CCDC77: variants seen among roughly 807,000 people sequenced by gnomAD.
CCDC77 encodes the protein coiled-coil domain-containing protein 77.
Under a neutral mutation model 66.8 loss-of-function variants are expected in CCDC77, and 56 were observed. The ratio of observed to expected loss-of-function variants is 0.84; its 90% CI spans 0.68 to 1.05. The LOEUF is 1.05. Among genes scored for constraint, CCDC77 ranks in the 50% least tolerant of loss-of-function variants. The pLI is 0.00. For missense variants in CCDC77, 570 were observed against 576.8 expected, an observed-to-expected ratio of 0.99 and a Z score of 0.12; for synonymous variants, 196 against 195.2, an observed-to-expected ratio of 1.00 and a Z score of -0.03.
chr12:418,503 G>T lies in CCDC77; in HGVS notation c.280G>T (p.Glu94Ter). The change falls in exon 5 of 13, where the codon GAA (glutamate) becomes TAA (stop). Residue 94 changes from glutamate (E) to a stop codon, truncating the protein, a stop_gained. Coordinates refer to ENST00000239830, the MANE Select transcript of CCDC77 (RefSeq NM_032358.4). LOFTEE classifies it high-confidence loss of function. Reference sequence around the variant, plus strand: ...TGTGGTTTTTTTGCAGCATAAACTTGAATGTGATTTGCAGCAGAGGGAGGA... The same window carrying T: ...TGTGGTTTTTTTGCAGCATAAACTTTAATGTGATTTGCAGCAGAGGGAGGA... ...KEACEGQHKL[E>*]CDLQQREEEI... 3.7e-6 allele frequency: 6 copies of T among 1,614,064 alleles called. No homozygotes were observed. Among genetic ancestry groups the T allele is most frequent in the Non-Finnish European group, 5.1e-6 (6 of 1,179,982 alleles).
rs185553224 is a variant in CCDC77, at chr12:418,394, T to G, written c.271-100T>G. ...ATTCTGTATTGGCAAAATTATTTAC[T>G]TTGGAATATTTCTACATGAGTAGAC... On this transcript the variant is annotated intron_variant, in intron 4 of 12. Coordinates refer to ENST00000239830, the MANE Select transcript of CCDC77 (RefSeq NM_032358.4). The G allele has an allele frequency of 1.1e-3, 1,245 of 1,182,564 alleles. 3 individuals are homozygous for G. Among genetic ancestry groups the G allele is most frequent in the Admixed American group, 2.3e-3 (112 of 48,250 alleles). 73.3% of individuals were successfully genotyped at this position (1,182,564 alleles called of 1,614,324 possible). A position where few individuals can be genotyped will look rare whatever the true frequency, so the allele number is the denominator to read the frequency against.
At chr12:431,815 C>T (rs774643117) in intron 7 of CCDC77, 51 bp from the exon 8 acceptor site, 1 of 1,205,546 alleles carries the variant, frequency 8.3e-7, no homozygotes, top group Non-Finnish European at 1.2e-6. Flanking sequence ...TTCAATAGCA[C>T]ACAGAAAAGC....
Position 438,430 on chromosome 12 carries a change from A to T in CCDC77, c.917A>T (p.Glu306Val). Reference protein sequence around the residue: ...NQNKEKSWMLEKDNLMSKIKQ... With the variant: ...NQNKEKSWMLVKDNLMSKIKQ... ...AATAAAGAGAAGTCATGGATGCTTG[A>T]AAAAGATAATTTGATGTCAAAGATT... The change falls in exon 10 of 13, where the codon GAA becomes GTA. Residue 306 changes from glutamate to valine, a missense_variant. Coordinates refer to ENST00000239830, the MANE Select transcript of CCDC77 (RefSeq NM_032358.4). 1 of 1,613,986 alleles carries T rather than the reference A, an allele frequency of 6.2e-7. No individual in the cohort carries two copies. Among genetic ancestry groups the T allele is most frequent in the South Asian group, 1.1e-5 (1 of 91,082 alleles).
intron 2 of CCDC77, 122 bp downstream of exon 2, chr12:405,686 T>A (rs970641317): frequency 8.5e-5 from 13 of 152,166 alleles, no homozygotes; most frequent in African/African-American, 2.9e-4. Context: ...GATTTTTAAA[T>A]CTAGATTGAA....
chr12:418,155 C>G (rs576355022), intron 4 of CCDC77, among the ~76,000 whole-genome samples: 16 of 152,126 alleles, frequency 1.1e-4, no homozygotes, highest in African/African-American at 3.9e-4. Context: ...CCCATCTCTA[C>G]TAAAAATACA....
chr12:431,345 A>T (rs1565575681), intron 7 of CCDC77, among the ~76,000 whole-genome samples: 1 of 151,450 alleles, frequency 6.6e-6, no homozygotes, highest in Non-Finnish European at 1.5e-5. Context: ...CAACCTCCTG[A>T]GTAGCTAGGA....
intron 1 of CCDC77, among the ~76,000 whole-genome samples, chr12:403,365 G>A (rs1395769735): frequency 6.6e-6 from 1 of 152,194 alleles, no homozygotes; most frequent in African/African-American, 2.4e-5. Context: ...ACCAACCTAT[G>A]ACATAGAAGT....
chr12:406,974 C>A lies in CCDC77; in HGVS notation c.-17+1410C>A, dbSNP rs1023130343. Reference sequence around the variant, plus strand: ...ACACACAAAAGTGGAACGAGGAGACCAGTTAAGAGACCGTTGTCGTCATCT... The same window carrying A: ...ACACACAAAAGTGGAACGAGGAGACAAGTTAAGAGACCGTTGTCGTCATCT... On this transcript the variant is annotated intron_variant, in intron 2 of 12. Transcript: ENST00000239830. 3.3e-5 allele frequency among the ~76,000 whole-genome samples: 5 copies of A among 152,230 alleles called. No individual in the cohort carries two copies. The East Asian group carries it at 9.7e-4, about 29-fold the overall frequency.
upstream of CCDC77, among the ~76,000 whole-genome samples, chr12:398,309 A>G (rs144154845): frequency 5.9e-5 from 9 of 152,330 alleles, no homozygotes; most frequent in East Asian, 1.7e-3. Flanking sequence ...TCATTTTGGC[A>G]ATGTTCACAG....
intron 8 of CCDC77, among the ~76,000 whole-genome samples, 176 bp from the exon 9 acceptor site, chr12:432,998 A>T (rs558989425): frequency 2.0e-5 from 3 of 152,286 alleles, no homozygotes; most frequent in African/African-American, 7.2e-5. Context: ...CGCCCACTGC[A>T]CTCCAGCCTG....
chr12:402,177 A>C (rs1565562189), intron 1 of CCDC77, among the ~76,000 whole-genome samples: 1 of 152,262 alleles, frequency 6.6e-6, no homozygotes, highest in Admixed American at 6.5e-5. Flanking sequence ...AGATAGGTGC[A>C]GAGACCCTAG....
Position 440,610 on chromosome 12 carries a change from C to T in CCDC77, c.1042-7C>T. ...GTGTTAATGTTTTTTGTCCCTTTGA[C>T]TTGTAGTCCCTAAAAGATAAGTTAG... On this transcript the variant is annotated splice_region_variant and splice_polypyrimidine_tract_variant and intron_variant, in intron 10 of 12. Transcript: ENST00000239830. 6.2e-7 allele frequency: 1 copy of T among 1,613,638 alleles called. No individual in the cohort carries two copies. The highest frequency in any genetic ancestry group is 8.5e-7 in the Non-Finnish European group (1 of 1,179,880).
At chr12:408,076 C>T (rs886223303) in intron 2 of CCDC77, among the ~76,000 whole-genome samples, 13 of 151,988 alleles carry the variant, frequency 8.6e-5, no homozygotes, top group Non-Finnish European at 1.8e-4. Flanking sequence ...CATGAGCCAC[C>T]GCACCCGGCC....
rs145136374 is a variant in CCDC77, at chr12:436,303, A to G, written c.822-2032A>G. Among the ~76,000 whole-genome samples the G allele has an allele frequency of 2.9e-4, 44 of 150,366 alleles. 1 individual carries two copies. The East Asian group carries it at 8.4e-3, about 29-fold the overall frequency. On this transcript the variant is annotated intron_variant, in intron 9 of 12. Transcript: ENST00000239830. ...CGGCTAATTTTTTTTTTTTAATTGTATTTTTAGTAGAGACAAGGTTTCACC... is the reference window on the plus strand; with the variant it reads ...CGGCTAATTTTTTTTTTTTAATTGTGTTTTTAGTAGAGACAAGGTTTCACC...
intron 4 of CCDC77, 101 bp from the exon 5 acceptor site, chr12:418,393 C>A: frequency 8.5e-7 from 1 of 1,176,464 alleles, no homozygotes; most frequent in Non-Finnish European, 1.2e-6. Flanking sequence ...AAATTATTTA[C>A]TTTGGAATAT....
At chr12:389,599 C>CGAGGCGGAACGAGGCGGG (rs1944714059) in intron 1 of CCDC77, 1 of 269,396 alleles carries the variant, frequency 3.7e-6, no homozygotes, top group Non-Finnish European at 7.4e-6. Context: ...CGCGACGCGA[C>CGAGGCGGAACGAGGCGGG]GTGACGCTTT....
intron 4 of CCDC77, among the ~76,000 whole-genome samples, chr12:413,189 C>T (rs1263341315): frequency 4.6e-5 from 7 of 151,424 alleles, no homozygotes; most frequent in Non-Finnish European, 8.8e-5. Flanking sequence ...CTGCCCACCT[C>T]GGCCTCCCAA....
At position 416,239 on chromosome 12, in the gene CCDC77, C is replaced by G. The variant is rs569902431; in HGVS notation, c.271-2255C>G. 5.3e-5 allele frequency among the ~76,000 whole-genome samples: 8 copies of G among 149,560 alleles called. No homozygotes were observed. The East Asian group carries it at 7.9e-4, about 15-fold the overall frequency. ...TACGGGCGTGAGTCACTGTGCCCAG[C>G]CTTTATGAAATTATTTTTAATGACC... is the stretch of plus-strand genomic sequence containing the variant. On this transcript the variant is annotated intron_variant, in intron 4 of 12. Transcript: ENST00000239830.
intron 5 of CCDC77, among the ~76,000 whole-genome samples, chr12:425,622 C>T (rs983185593): frequency 1.9e-4 from 29 of 151,950 alleles, no homozygotes; most frequent in Admixed American, 1.8e-3. Context: ...GTAGCATGTA[C>T]CAGGTGAAAT....
Sources: allele counts gnomAD v4.1 joint callset (sites outside exome capture counted in the v4.1 genomes callset), GRCh38; gene constraint gnomAD v4.1.1; transcripts MANE v1.5; gene names NCBI Gene and HGNC (gene_info 2026-07-23, HGNC 2026-07-21).